The following GSG1L variants were observed in gnomAD, a reference collection of about 807,000 sequenced individuals.
GSG1L encodes germ cell-specific gene 1-like protein.
GSG1L carries 24 observed loss-of-function variants against 42.1 expected under a neutral mutation model. That is an observed-to-expected ratio of 0.57 (90% CI 0.41 to 0.80). The LOEUF (loss-of-function observed/expected upper bound fraction) is 0.80. Among genes scored for constraint, GSG1L ranks in the 30% least tolerant of loss-of-function variants. The pLI is 0.00. For synonymous variants in GSG1L, 215 were observed against 203.5 expected (o/e 1.06, Z -0.48); for missense variants, 445 against 472.2 (o/e 0.94, Z 0.53).
chr16:27,926,265 C>T (rs2084591171), intron 2 of GSG1L, among the ~76,000 whole-genome samples: 1 of 152,190 alleles, frequency 6.6e-6, no homozygotes. Context: ...TATTAAGGAC[C>T]TGCTATGTGC....
At chr16:27,982,206 A>C (rs1162202338) in intron 1 of GSG1L, among the ~76,000 whole-genome samples, 3 of 152,192 alleles carry the variant, frequency 2.0e-5, no homozygotes, top group Non-Finnish European at 4.4e-5. Context: ...TGTCTCTATA[A>C]AAAACAAAAA....
At chr16:27,845,881 T>A (rs2083437125) in intron 3 of GSG1L, among the ~76,000 whole-genome samples, 1 of 152,144 alleles carries the variant, frequency 6.6e-6, no homozygotes, top group African/African-American at 2.4e-5. Flanking sequence ...GTTGCATAGA[T>A]TACACCTTTT....
chr16:27,803,115 C>G (rs2082902020), intron 6 of GSG1L, among the ~76,000 whole-genome samples: 2 of 152,034 alleles, frequency 1.3e-5, no homozygotes, highest in African/African-American at 4.8e-5. Flanking sequence ...CCCCTGACTG[C>G]TTGGGCAAAA....
At chr16:27,982,288 C>T (rs2085334373) in intron 1 of GSG1L, among the ~76,000 whole-genome samples, 1 of 152,196 alleles carries the variant, frequency 6.6e-6, no homozygotes, top group South Asian at 2.1e-4. Flanking sequence ...ATTACTTGAG[C>T]CCAGGAGTTC....
In GSG1L at chr16:28,040,672, A is replaced by C. The variant is rs1367481909; in HGVS notation, c.349+22404T>G. 2.6e-5 allele frequency among the ~76,000 whole-genome samples: 4 copies of C among 152,210 alleles called. No homozygotes were observed. The highest frequency in any genetic ancestry group is 5.9e-5 in the Non-Finnish European group (4 of 68,016). Reference sequence around the variant, plus strand: ...ACATGAAGATGCTCTCAGAGCCCCCAGGCCTGAGAGCCTTCCCTCCACTGG... The same window carrying C: ...ACATGAAGATGCTCTCAGAGCCCCCCGGCCTGAGAGCCTTCCCTCCACTGG... On this transcript the variant is annotated intron_variant, in intron 1 of 6. Transcript: ENST00000447459. The surrounding 1 kb of genome is among the most constrained non-coding windows in gnomAD (Gnocchi z 4.1).
intron 2 of GSG1L, among the ~76,000 whole-genome samples, chr16:27,934,880 T>TGTAGCTCAC (rs1401532438): frequency 6.6e-6 from 1 of 152,168 alleles, no homozygotes; most frequent in Admixed American, 6.5e-5. Flanking sequence ...GGCTCTGGAA[T>TGTAGCTCAC]GTAGCTCACA....
intron 2 of GSG1L, among the ~76,000 whole-genome samples, chr16:27,950,395 A>G (rs1040988578): frequency 1.3e-5 from 2 of 152,198 alleles, no homozygotes; most frequent in Non-Finnish European, 2.9e-5. Context: ...TAGAGCAACT[A>G]AAGCAATTAT....
chr16:27,872,334 G>T (rs2141012834), intron 3 of GSG1L, among the ~76,000 whole-genome samples: 1 of 152,318 alleles, frequency 6.6e-6, no homozygotes, highest in Admixed American at 6.5e-5. Flanking sequence ...GACATGGATG[G>T]CCAGCAGTAG....
At chr16:27,935,328 G>T (rs1337043677) in intron 2 of GSG1L, among the ~76,000 whole-genome samples, 1 of 151,940 alleles carries the variant, frequency 6.6e-6, no homozygotes, top group Non-Finnish European at 1.5e-5. Context: ...ATGGGGGAAT[G>T]GGGGGCTTCA....
In GSG1L at chr16:28,063,214, C is replaced by G. The variant is rs1406964010; in HGVS notation, c.211G>C (p.Ala71Pro). The G allele has an allele frequency of 4.0e-6, 5 of 1,260,910 alleles. No individual in the cohort carries two copies. Among genetic ancestry groups the G allele is most frequent in the Non-Finnish European group, 5.0e-6 (5 of 1,007,322 alleles). 78.1% of individuals were successfully genotyped at this position (1,260,910 alleles called of 1,614,324 possible). A position where few individuals can be genotyped will look rare whatever the true frequency, so the allele number is the denominator to read the frequency against. The change falls in exon 1 of 7, where the codon GCC (alanine) becomes CCC (proline). Residue 71 changes from alanine to proline, a missense_variant. Ala to Pro is a conservative substitution (Grantham distance 27). Coordinates refer to ENST00000447459, the MANE Select transcript of GSG1L (RefSeq NM_001109763.2). The surrounding 1 kb of genome is among the most constrained non-coding windows in gnomAD (Gnocchi z 5.8). Reference sequence around the variant, plus strand: ...TTCCCCGAGGCGGTGGCGGCGGCGGCGGCGGCGGCGGGGGCGGCGGTGCCG... The same window carrying G: ...TTCCCCGAGGCGGTGGCGGCGGCGGGGGCGGCGGCGGGGGCGGCGGTGCCG... ...ANGTAAPAAA[A>P]AAATASGNGP...
At chr16:27,791,540 C>T in intron 6 of GSG1L, 73 bp from the exon 7 acceptor site, 1 of 974,060 alleles carries the variant, frequency 1.0e-6, no homozygotes, top group Non-Finnish European at 1.4e-6. Flanking sequence ...CACCGCCCCC[C>T]ACCCACACAT....
chr16:27,934,978 A>C (rs957161002), intron 2 of GSG1L, among the ~76,000 whole-genome samples: 1 of 152,232 alleles, frequency 6.6e-6, no homozygotes, highest in Non-Finnish European at 1.5e-5. Flanking sequence ...TGTGGAGTTC[A>C]AGGTCTTGTG....
In GSG1L at chr16:28,039,628, T is replaced by C. The variant is rs773246746; in HGVS notation, c.349+23448A>G. Among the ~76,000 whole-genome samples the C allele has an allele frequency of 4.0e-5, 6 of 151,122 alleles. No individual in the cohort carries two copies. In the East Asian group the frequency reaches 5.9e-4, roughly 15 times the overall value. On this transcript the variant is annotated intron_variant, in intron 1 of 6. Transcript: ENST00000447459. ...GCACACACACACACAAGCAGACATG[T>C]ACGTGCGTGCACACACATGCACACT...
intron 4 of GSG1L, among the ~76,000 whole-genome samples, chr16:27,833,873 A>G (rs1292100673): frequency 6.6e-6 from 1 of 152,188 alleles, no homozygotes; most frequent in East Asian, 1.9e-4. Flanking sequence ...ACAGATAATC[A>G]TAACATCCAC....
At chr16:27,887,483 CTT>C (rs2084044323) in intron 2 of GSG1L, among the ~76,000 whole-genome samples, 1 of 152,226 alleles carries the variant, frequency 6.6e-6, no homozygotes, top group South Asian at 2.1e-4. Flanking sequence ...CCAATTAATT[CTT>C]TGTCTTTGCC....
intron 3 of GSG1L, among the ~76,000 whole-genome samples, chr16:27,874,688 G>GC: frequency 6.6e-6 from 1 of 152,224 alleles, no homozygotes; most frequent in African/African-American, 2.4e-5. Flanking sequence ...CAAAGAGACA[G>GC]CATGGGAGCT....
intron 2 of GSG1L, among the ~76,000 whole-genome samples, chr16:27,919,751 G>C (rs2084503131): frequency 6.6e-6 from 1 of 152,218 alleles, no homozygotes; most frequent in Non-Finnish European, 1.5e-5. Flanking sequence ...TTACATTACA[G>C]GAGGGGGAGT....
chr16:28,021,979 C>T (rs2085849151), intron 1 of GSG1L, among the ~76,000 whole-genome samples: 1 of 152,206 alleles, frequency 6.6e-6, no homozygotes, highest in East Asian at 1.9e-4. Context: ...GTTGCAATGC[C>T]TTTTGTGACC....
chr16:27,830,585 C>T (rs572048989), intron 4 of GSG1L, among the ~76,000 whole-genome samples: 5 of 152,096 alleles, frequency 3.3e-5, no homozygotes, highest in South Asian at 4.2e-4. Flanking sequence ...GAAGCCCTGA[C>T]TGTCTGTAAT....
Sources: gnomAD v4.1 joint callset for allele counts (sites outside exome capture counted in the v4.1 genomes callset) on GRCh38, gnomAD v4.1.1 for gene constraint, Gnocchi (gnomAD v3.1) non-coding constraint, MANE v1.5 for transcripts, NCBI Gene and HGNC (gene_info 2026-07-23, HGNC 2026-07-21) for gene names.